Variants in NEK10 observed in about 807,000 individuals in gnomAD.
NEK10 encodes serine/threonine-protein kinase Nek10.
Under a neutral mutation model 159.8 loss-of-function variants are expected in NEK10, and 122 were observed. The observed-to-expected ratio is 0.76, with a 90% CI of 0.66 to 0.89. The LOEUF (loss-of-function observed/expected upper bound fraction) is 0.89, where lower values mean the gene tolerates loss of function less well. Among genes scored for constraint, NEK10 ranks in the 40% least tolerant of loss-of-function variants. The pLI is 0.00. For synonymous variants in NEK10, 466 were observed against 457.1 expected, an observed-to-expected ratio of 1.02 and a Z score of -0.25; for missense variants, 1,342 against 1,323.1, an observed-to-expected ratio of 1.01 and a Z score of -0.22.
At chr3:27,330,590 T>C (rs1236717646) in intron 5 of NEK10, among the ~76,000 whole-genome samples, 2 of 152,228 alleles carry the variant, frequency 1.3e-5, no homozygotes, top group Non-Finnish European at 2.9e-5. Context: ...TAATTTTCTG[T>C]GTTTTCCAAA....
chr3:27,191,271 T>C (rs1163036339), intron 26 of NEK10, among the ~76,000 whole-genome samples: 1 of 151,628 alleles, frequency 6.6e-6, no homozygotes, highest in Non-Finnish European at 1.5e-5. Context: ...TATGATCCAA[T>C]TGCCTTGGGC....
intron 5 of NEK10, among the ~76,000 whole-genome samples, chr3:27,341,185 C>T (rs371459909): frequency 6.6e-6 from 1 of 151,988 alleles, no homozygotes; most frequent in African/African-American, 2.4e-5. Flanking sequence ...ATAATAGATA[C>T]CAGAGTCCAG....
chr3:27,339,972 C>A (rs530473016), intron 5 of NEK10, among the ~76,000 whole-genome samples: 1 of 152,196 alleles, frequency 6.6e-6, no homozygotes, highest in South Asian at 2.1e-4. Context: ...GATCTAGAAC[C>A]AGATATAACA....
intron 22 of NEK10, among the ~76,000 whole-genome samples, chr3:27,261,091 G>A (rs574275303): frequency 2.8e-3 from 423 of 151,946 alleles, no homozygotes; most frequent in African/African-American, 9.2e-3. Flanking sequence ...TTTTTATTGC[G>A]TCTATTTGAT....
chr3:27,128,990 A>T (rs369499873), intron 32 of NEK10, among the ~76,000 whole-genome samples: 6 of 152,172 alleles, frequency 3.9e-5, no homozygotes, highest in African/African-American at 1.4e-4. Context: ...GATGAGATTT[A>T]TCATGAACTC....
intron 6 of NEK10, among the ~76,000 whole-genome samples, chr3:27,314,811 T>C (rs565844776): frequency 6.6e-6 from 1 of 152,260 alleles, no homozygotes. Context: ...CCTCATTACC[T>C]GGGAGCTGAA....
chr3:27,238,884 C>A (rs969307070), intron 23 of NEK10, among the ~76,000 whole-genome samples: 1 of 151,752 alleles, frequency 6.6e-6, no homozygotes, highest in African/African-American at 2.4e-5. Context: ...GCACTGGTTA[C>A]AGAATTTTCT....
chr3:27,235,041 C>T (rs980763607), intron 23 of NEK10, among the ~76,000 whole-genome samples: 2 of 152,046 alleles, frequency 1.3e-5, no homozygotes, highest in Non-Finnish European at 2.9e-5. Flanking sequence ...ATAAATGGTG[C>T]TGGGATCACT....
At chr3:27,334,957 TAAGAA>T (rs2046692757) in intron 5 of NEK10, among the ~76,000 whole-genome samples, 1 of 152,040 alleles carries the variant, frequency 6.6e-6, no homozygotes, top group East Asian at 1.9e-4. Context: ...CAGTGAGATA[TAAGAA>T]AAGTCCAAAA....
chr3:27,258,759 C>A (rs376824405), intron 22 of NEK10, among the ~76,000 whole-genome samples: 1 of 152,096 alleles, frequency 6.6e-6, no homozygotes, highest in Non-Finnish European at 1.5e-5. Flanking sequence ...GGGTCAAATG[C>A]TATTTCTAGT....
intron 28 of NEK10, among the ~76,000 whole-genome samples, chr3:27,172,676 C>A (rs1478127889): frequency 6.6e-6 from 1 of 151,948 alleles, no homozygotes; most frequent in African/African-American, 2.4e-5. Context: ...ATTACCCATA[C>A]AATGTATAAT....
At chr3:27,320,469 G>A (rs917718519) in intron 6 of NEK10, among the ~76,000 whole-genome samples, 2 of 152,190 alleles carry the variant, frequency 1.3e-5, no homozygotes, top group Non-Finnish European at 2.9e-5. Context: ...GAGAATAAAA[G>A]ACGGCACTAT....
chr3:27,364,348 T>TTGTGTGTG lies in NEK10; in HGVS notation c.-38+4869_-38+4876dup, dbSNP rs4016621. On this transcript the variant is annotated intron_variant, in intron 1 of 35. Coordinates refer to ENST00000691995, the MANE Select transcript of NEK10 (RefSeq NM_001394966.1). ...GGCGCCCACCACCATGCCTGGCTAA[T>TTGTGTGTG]TGTGTGTGTGTGTGTGTGTGTGTGT... 5.5e-3 allele frequency among the ~76,000 whole-genome samples: 659 copies of TTGTGTGTG among 120,628 alleles called. 5 individuals carry two copies. The highest frequency in any genetic ancestry group is 8.2e-3 in the Non-Finnish European group (471 of 57,326). The allele number at this position is 120,628 out of a possible 152,430, so 79.1% of individuals were successfully genotyped here.
Position 27,332,312 on chromosome 3 carries a change from A to C in NEK10, c.363-10051T>G, listed in dbSNP as rs141266860. Among the ~76,000 whole-genome samples, 35 of 152,364 alleles carry C rather than the reference A, an allele frequency of 2.3e-4. No individual in the cohort carries two copies. In the East Asian group the frequency reaches 5.8e-3, roughly 25 times the overall value. ...TTTTTGGAACACTTTTTCTGAAAAAATATTCATATAACATGATCCAATTCT... is the reference window on the plus strand; with the variant it reads ...TTTTTGGAACACTTTTTCTGAAAAACTATTCATATAACATGATCCAATTCT... On this transcript the variant is annotated intron_variant, in intron 5 of 35. Transcript: ENST00000691995.
At chr3:27,220,063 GT>G (rs1559634950) in intron 23 of NEK10, among the ~76,000 whole-genome samples, 1 of 152,044 alleles carries the variant, frequency 6.6e-6, no homozygotes, top group Admixed American at 6.5e-5. Context: ...ATTGAAAAAA[GT>G]TTTTTAAAAA....
At chr3:27,344,614 A>G (rs989273131) in intron 4 of NEK10, among the ~76,000 whole-genome samples, 3 of 152,238 alleles carry the variant, frequency 2.0e-5, no homozygotes, top group Non-Finnish European at 4.4e-5. Flanking sequence ...ATAGTCAAGC[A>G]TATGTATTTC....
At chr3:27,258,139 A>G (rs1031009783) in intron 22 of NEK10, among the ~76,000 whole-genome samples, 4 of 152,080 alleles carry the variant, frequency 2.6e-5, no homozygotes, top group Non-Finnish European at 5.9e-5. Context: ...ATAATAATAT[A>G]CTGCTGATAT....
At chr3:27,363,369 C>T (rs540430511) in intron 1 of NEK10, among the ~76,000 whole-genome samples, 1 of 152,286 alleles carries the variant, frequency 6.6e-6, no homozygotes, top group African/African-American at 2.4e-5. Flanking sequence ...TGGAGGACAG[C>T]TTTTTGGCTC....
chr3:27,255,503 TA>T (rs3214746), intron 23 of NEK10, among the ~76,000 whole-genome samples: 96,412 of 151,656 alleles, frequency 0.64, 32,986 homozygotes, highest in African/African-American at 0.91. Context: ...AGGCTAGATT[TA>T]AAAAAAAATA....
Sources: gnomAD v4.1 joint callset for allele counts (sites outside exome capture counted in the v4.1 genomes callset) on GRCh38, gnomAD v4.1.1 for gene constraint, MANE v1.5 for transcripts, NCBI Gene and HGNC (gene_info 2026-07-23, HGNC 2026-07-21) for gene names.